Variants in AGAP1 observed in about 807,000 individuals in gnomAD.
AGAP1 encodes the protein ArfGAP with GTPase domain, ankyrin repeat and PH domain 1.
In AGAP1, 29 loss-of-function variants were observed where a neutral mutation model predicts 105.3. That is an observed-to-expected ratio of 0.28 (90% CI 0.21 to 0.38). The LOEUF is 0.38. Ranked by LOEUF, AGAP1 falls within the 10% of genes least tolerant of loss-of-function variation. The probability of loss-of-function intolerance (pLI) is 1.00; values close to 1 mark genes in which losing one functional copy is unlikely to be tolerated. For synonymous variants in AGAP1, 509 were observed against 485.9 expected (o/e 1.05, Z -0.63); for missense variants, 998 against 1,165.1 (o/e 0.86, Z 2.09).
rs1368609277 is a variant in AGAP1 at position 235,723,474 on chromosome 2, A to G, written c.310+5830A>G. Among the ~76,000 whole-genome samples the G allele has an allele frequency of 3.9e-5, 6 of 152,118 alleles. No homozygotes were observed. The highest frequency in any genetic ancestry group is 3.3e-4 in the Admixed American group (5 of 15,276). Reference sequence around the variant, plus strand: ...CACTTCACCCCCTGCAGGTGGGGAGAGTGTGGCGTCCTCCTGAGATCTTTT... The same window carrying G: ...CACTTCACCCCCTGCAGGTGGGGAGGGTGTGGCGTCCTCCTGAGATCTTTT... On this transcript the variant is annotated intron_variant, in intron 3 of 17. Transcript: ENST00000304032. This position sits in a 1 kb window ranked among gnomAD's most constrained non-coding sequence, Gnocchi z 6.2.
At chr2:235,995,886 G>T (rs913627507) in intron 13 of AGAP1, among the ~76,000 whole-genome samples, 9 of 152,148 alleles carry the variant, frequency 5.9e-5, no homozygotes, top group African/African-American at 2.2e-4. Context: ...CCAAAAATGG[G>T]TTTGGAGGTC....
intron 9 of AGAP1, among the ~76,000 whole-genome samples, chr2:235,873,165 G>A (rs192463100): frequency 1.3e-5 from 2 of 152,336 alleles, no homozygotes; most frequent in Non-Finnish European, 2.9e-5. Context: ...AGGGCTGAAT[G>A]GTTTAACTTC....
chr2:236,053,441 C>T lies in AGAP1; in HGVS notation c.2114+4160C>T, dbSNP rs1218150922. On this transcript the variant is annotated intron_variant, in intron 16 of 17. Coordinates refer to ENST00000304032, the MANE Select transcript of AGAP1 (RefSeq NM_001037131.3). The surrounding 1 kb of genome is among the most constrained non-coding windows in gnomAD (Gnocchi z 4.6). ...GTCCACGCACATCCTCTCTCCCTCG[C>T]GGTACAGCAGTGTTTCCGGGGCTGC... 6.6e-6 allele frequency among the ~76,000 whole-genome samples: 1 copy of T among 152,232 alleles called. No individual in the cohort carries two copies. Among genetic ancestry groups the T allele is most frequent in the Admixed American group, 6.5e-5 (1 of 15,290 alleles).
intron 16 of AGAP1, among the ~76,000 whole-genome samples, chr2:236,057,115 G>C (rs545677125): frequency 6.6e-6 from 1 of 152,064 alleles, no homozygotes; most frequent in Non-Finnish European, 1.5e-5. Context: ...TCATTTAGCT[G>C]ACCTGACTTT....
intron 10 of AGAP1, among the ~76,000 whole-genome samples, chr2:235,886,512 C>A (rs2050283685): frequency 6.6e-6 from 1 of 152,050 alleles, no homozygotes; most frequent in Admixed American, 6.6e-5. Flanking sequence ...TATCCACAGG[C>A]TTTTTTTTGT....
chr2:236,018,933 G>A (rs550154919), intron 13 of AGAP1, among the ~76,000 whole-genome samples: 125 of 152,302 alleles, frequency 8.2e-4, no homozygotes, highest in African/African-American at 2.7e-3. Context: ...TGGGGAAACA[G>A]CAAACCTCCT....
chr2:235,850,648 G>T (rs1484090119), intron 9 of AGAP1, among the ~76,000 whole-genome samples: 1 of 152,226 alleles, frequency 6.6e-6, no homozygotes, highest in African/African-American at 2.4e-5. Context: ...GGACATTTTG[G>T]AATGAGCTGT....
chr2:236,008,529 T>G (rs969987689), intron 13 of AGAP1, among the ~76,000 whole-genome samples: 1 of 152,246 alleles, frequency 6.6e-6, no homozygotes, highest in African/African-American at 2.4e-5. Flanking sequence ...ATACTCTTGG[T>G]GTTGTACTGA....
At chr2:235,969,935 C>A (rs546955239) in intron 13 of AGAP1, among the ~76,000 whole-genome samples, 2 of 152,266 alleles carry the variant, frequency 1.3e-5, no homozygotes, top group African/African-American at 4.8e-5. Flanking sequence ...GGCACGGTGG[C>A]TCACGCCTGT....
chr2:235,669,834 G>C (rs1159637712), intron 1 of AGAP1: 1 of 147,952 alleles, frequency 6.8e-6, no homozygotes, highest in African/African-American at 2.4e-5. Context: ...ACCTGCCGGC[G>C]AGAGCGCTCT....
chr2:236,043,139 A>T (rs2057605020), intron 15 of AGAP1, among the ~76,000 whole-genome samples: 1 of 152,246 alleles, frequency 6.6e-6, no homozygotes, highest in African/African-American at 2.4e-5. Flanking sequence ...AATTTTGGTT[A>T]AAGTACCGGG....
rs529353756 is a variant in AGAP1 at position 235,973,754 on chromosome 2, G to T, written c.1645+5131G>T. ...CTCTAGAAAAAGCTCTACGAACCAG[G>T]GCCACCTGAGAGGGAGTGACCCCGA... On this transcript the variant is annotated intron_variant, in intron 13 of 17. Coordinates refer to ENST00000304032, the MANE Select transcript of AGAP1 (RefSeq NM_001037131.3). The surrounding 1 kb of genome is among the most constrained non-coding windows in gnomAD (Gnocchi z 4.7). Among the ~76,000 whole-genome samples the T allele has an allele frequency of 6.6e-6, 1 of 152,244 alleles. No individual in the cohort carries two copies. Among genetic ancestry groups the T allele is most frequent in the Non-Finnish European group, 1.5e-5 (1 of 68,022 alleles).
chr2:235,681,163 C>A (rs1212620066), intron 1 of AGAP1, among the ~76,000 whole-genome samples: 1 of 152,164 alleles, frequency 6.6e-6, no homozygotes, highest in African/African-American at 2.4e-5. Flanking sequence ...TGCCCACCAC[C>A]ATGCCCAGCT....
In AGAP1 at chr2:235,754,850, C is replaced by CT. The variant is rs1953782440; in HGVS notation, c.673+4362_673+4363insT. On this transcript the variant is annotated intron_variant, in intron 6 of 17. Transcript: ENST00000304032. This position sits in a 1 kb window ranked among gnomAD's most constrained non-coding sequence, Gnocchi z 4.6. ...AAGGTCCACTAGGGAGGGTAAACAT[C>CT]AAACGGTCACCCAGAAACATGACCT... Among the ~76,000 whole-genome samples, 1 of 152,212 alleles carries CT rather than the reference C, an allele frequency of 6.6e-6. No individual in the cohort carries two copies. Among genetic ancestry groups the CT allele is most frequent in the African/African-American group, 2.4e-5 (1 of 41,454 alleles).
chr2:235,852,778 G>C (rs1418193551), intron 9 of AGAP1: 1 of 1,537,322 alleles, frequency 6.5e-7, no homozygotes, highest in Non-Finnish European at 8.8e-7. Context: ...GGCCAGGGCC[G>C]AGGGGTGGTC....
chr2:235,546,283 G>A lies in AGAP1; in HGVS notation c.163+51434G>A, dbSNP rs139629176. On this transcript the variant is annotated intron_variant, in intron 1 of 17. Coordinates refer to ENST00000304032, the MANE Select transcript of AGAP1 (RefSeq NM_001037131.3). ...CCAGCAGGCCCGCAGGCCCTCGGGT[G>A]CCACCTGATGGGGCCATCCTGCCTT... Among the ~76,000 whole-genome samples, 648 of 152,348 alleles carry A rather than the reference G, an allele frequency of 4.3e-3. 5 individuals are homozygous for A. Among genetic ancestry groups the A allele is most frequent in the African/African-American group, 0.015 (611 of 41,582 alleles).
intron 13 of AGAP1, among the ~76,000 whole-genome samples, chr2:235,987,615 C>G (rs1157214052): frequency 6.6e-6 from 1 of 151,368 alleles, no homozygotes; most frequent in African/African-American, 2.4e-5. Flanking sequence ...TCGTTGTTGC[C>G]TCTCTAGCTC....
At chr2:235,534,974 C>T (rs372311721) in intron 1 of AGAP1, among the ~76,000 whole-genome samples, 2 of 152,172 alleles carry the variant, frequency 1.3e-5, no homozygotes, top group Admixed American at 6.5e-5. Context: ...GGGAAGCAGA[C>T]ACCAGCCCTT....
intron 12 of AGAP1, among the ~76,000 whole-genome samples, chr2:235,954,818 G>A (rs992557799): frequency 6.6e-6 from 1 of 152,010 alleles, no homozygotes; most frequent in Non-Finnish European, 1.5e-5. Flanking sequence ...TAGGGCAGGA[G>A]CTTTGTTTAT....
Sources: gnomAD v4.1 joint callset for allele counts (sites outside exome capture counted in the v4.1 genomes callset) on GRCh38, gnomAD v4.1.1 for gene constraint, Gnocchi (gnomAD v3.1) non-coding constraint, MANE v1.5 for transcripts, NCBI Gene and HGNC (gene_info 2026-07-23, HGNC 2026-07-21) for gene names.